The following GSE1 variants were observed in gnomAD, a reference collection of about 807,000 sequenced individuals.
GSE1 encodes the protein genetic suppressor element 1.
A neutral mutation model predicts 112.6 loss-of-function variants in GSE1; 32 were observed. That is an observed-to-expected ratio of 0.28 (90% CI 0.21 to 0.38). GSE1 has a LOEUF of 0.38. GSE1 is among the 10% of genes least tolerant of loss of function. The pLI is 1.00. For missense variants in GSE1, 2,348 were observed against 1,699.2 expected, an observed-to-expected ratio of 1.38 and a Z score of -6.71; for synonymous variants, 1,115 against 735.6, an observed-to-expected ratio of 1.52 and a Z score of -8.35.
At chr16:85,457,665 C>G (rs1267479041) in intron 2 of GSE1, among the ~76,000 whole-genome samples, 1 of 152,170 alleles carries the variant, frequency 6.6e-6, no homozygotes, top group Non-Finnish European at 1.5e-5. Flanking sequence ...GGTCCTCATG[C>G]CCCAGGAAGG....
intron 2 of GSE1, among the ~76,000 whole-genome samples, chr16:85,520,490 C>T (rs947360476): frequency 3.4e-5 from 5 of 148,594 alleles, no homozygotes; most frequent in African/African-American, 5.0e-5. Flanking sequence ...GGTGTGATCT[C>T]GGCTCACTGC....
chr16:85,183,256 C>T (rs1030231369), intron 1 of GSE1, among the ~76,000 whole-genome samples: 2 of 152,222 alleles, frequency 1.3e-5, no homozygotes, highest in African/African-American at 2.4e-5. Context: ...CATGCACACA[C>T]ACTCACATTC....
At chr16:85,169,686 G>A in exon 1 of GSE1, 1 of 983,282 alleles carries the variant, frequency 1.0e-6, no homozygotes, top group Non-Finnish European at 1.2e-6. Flanking sequence ...CGGCGGGCGC[G>A]GGGACCCCGG....
intron 2 of GSE1, among the ~76,000 whole-genome samples, chr16:85,531,299 T>G (rs1435899007): frequency 6.6e-6 from 1 of 152,132 alleles, no homozygotes; most frequent in Non-Finnish European, 1.5e-5. Context: ...AACAACACAG[T>G]CCTGGGGCAG....
chr16:85,341,676 A>C (rs2046627154), intron 1 of GSE1, among the ~76,000 whole-genome samples: 1 of 150,646 alleles, frequency 6.6e-6, no homozygotes, highest in Non-Finnish European at 1.5e-5. Context: ...ATAAATAAAA[A>C]TTTTGTAGAG....
intron 1 of GSE1, among the ~76,000 whole-genome samples, chr16:85,317,994 G>A (rs2046021644): frequency 6.6e-6 from 1 of 152,244 alleles, no homozygotes; most frequent in Admixed American, 6.5e-5. Flanking sequence ...GAATTGGCAA[G>A]CCAGTCAGGA....
At position 85,676,127 on chromosome 16, in the gene GSE1, G is replaced by A. The variant is rs920743626; in HGVS notation, c.*3588G>A. ...TGTATTGTAATATTATTTGTTGAAT[G>A]TAGTAATTAGGTATTTATGAATATA... On this transcript the variant is annotated 3_prime_UTR_variant, in exon 16 of 16. Coordinates refer to ENST00000253458, the MANE Select transcript of GSE1 (RefSeq NM_014615.5). 8.5e-5 allele frequency: 13 copies of A among 152,654 alleles called. No homozygotes were observed. Among genetic ancestry groups the A allele is most frequent in the African/African-American group, 2.4e-4 (10 of 41,448 alleles). The allele number at this position is 152,654 out of a possible 1,614,324, so 9.5% of individuals were successfully genotyped here.
intron 1 of GSE1, among the ~76,000 whole-genome samples, chr16:85,189,374 C>T (rs985272801): frequency 2.6e-5 from 4 of 152,140 alleles, no homozygotes; most frequent in South Asian, 2.1e-4. Context: ...TACCCATTGA[C>T]CCTCTATTGT....
intron 2 of GSE1, among the ~76,000 whole-genome samples, chr16:85,510,999 G>T (rs748624040): frequency 3.3e-5 from 5 of 152,176 alleles, no homozygotes; most frequent in African/African-American, 2.4e-5. Flanking sequence ...ACTTGCATGC[G>T]TTGCTCTTTA....
intron 2 of GSE1, among the ~76,000 whole-genome samples, chr16:85,442,245 C>T (rs1395513222): frequency 6.6e-6 from 1 of 152,222 alleles, no homozygotes; most frequent in African/African-American, 2.4e-5. Context: ...TCTGCTGCCT[C>T]CTTCACTGGC....
At chr16:85,576,993 A>T (rs2046253427) in intron 1 of GSE1, among the ~76,000 whole-genome samples, 1 of 152,090 alleles carries the variant, frequency 6.6e-6, no homozygotes, top group African/African-American at 2.4e-5. Flanking sequence ...TGTCTTGATT[A>T]TCACAGTCAG....
intron 1 of GSE1, among the ~76,000 whole-genome samples, chr16:85,269,575 A>G (rs1908618477): frequency 1.3e-5 from 2 of 149,306 alleles, no homozygotes; most frequent in African/African-American, 4.8e-5. Flanking sequence ...GACCCAGGAC[A>G]GAACAGGAGA....
intron 2 of GSE1, among the ~76,000 whole-genome samples, chr16:85,413,342 A>G (rs1292648223): frequency 1.3e-5 from 2 of 152,168 alleles, no homozygotes; most frequent in Non-Finnish European, 2.9e-5. Flanking sequence ...AGGCAGGGCC[A>G]TGGAGGGAGG....
rs1418310878 is a variant in GSE1, at chr16:85,315,358, G to T, written c.2284-42105G>T. 2.0e-5 allele frequency among the ~76,000 whole-genome samples: 3 copies of T among 152,166 alleles called. No homozygotes were observed. In the East Asian group the frequency reaches 5.8e-4, roughly 29 times the overall value. ...GAAGGACGTTTTGCTTACAAATAGGGTTCAGATGGCAAACAGGCAGGGAAC... is the reference window on the plus strand; with the variant it reads ...GAAGGACGTTTTGCTTACAAATAGGTTTCAGATGGCAAACAGGCAGGGAAC... On this transcript the variant is annotated intron_variant, in intron 1 of 2. Transcript: ENST00000637419.
intron 2 of GSE1, among the ~76,000 whole-genome samples, chr16:85,455,233 C>G (rs541490245): frequency 1.5e-4 from 23 of 152,284 alleles, no homozygotes; most frequent in African/African-American, 5.1e-4. Context: ...CTCTGAAGCT[C>G]CACTCAGCCT....
At chr16:85,462,470 T>C (rs1425115551) in intron 2 of GSE1, among the ~76,000 whole-genome samples, 1 of 151,378 alleles carries the variant, frequency 6.6e-6, no homozygotes, top group Non-Finnish European at 1.5e-5. Flanking sequence ...AGTGCCCAGG[T>C]CTGGGGAGCC....
intron 1 of GSE1, among the ~76,000 whole-genome samples, chr16:85,271,670 C>T (rs923531397): frequency 6.6e-6 from 1 of 152,198 alleles, no homozygotes; most frequent in Non-Finnish European, 1.5e-5. Flanking sequence ...TGGACATAGG[C>T]TCAGAGACAC....
At chr16:85,651,138 G>A (rs1158845402) in intron 3 of GSE1, among the ~76,000 whole-genome samples, 1 of 148,942 alleles carries the variant, frequency 6.7e-6, no homozygotes, top group Non-Finnish European at 1.5e-5. Flanking sequence ...CCGCTGCTCA[G>A]AAATGAAAAG....
chr16:85,236,944 G>C (rs1268852981), intron 1 of GSE1, among the ~76,000 whole-genome samples: 1 of 152,198 alleles, frequency 6.6e-6, no homozygotes, highest in African/African-American at 2.4e-5. Flanking sequence ...TGAGTCACTT[G>C]CACCCTGAGT....
Sources: allele counts gnomAD v4.1 joint callset (sites outside exome capture counted in the v4.1 genomes callset), GRCh38; gene constraint gnomAD v4.1.1; transcripts MANE v1.5; gene names NCBI Gene and HGNC (gene_info 2026-07-23, HGNC 2026-07-21).